Variants in ZMAT4 observed in about 807,000 individuals in gnomAD.
ZMAT4 encodes the protein zinc finger matrin-type 4, also known as zinc finger matrin-type protein 4.
Under a neutral mutation model 28.7 loss-of-function variants are expected in ZMAT4, and 17 were observed. That is an observed-to-expected ratio of 0.59 (90% confidence interval 0.41 to 0.89). ZMAT4 has a LOEUF of 0.89. Among genes scored for constraint, ZMAT4 ranks in the 40% least tolerant of loss-of-function variants. The probability of loss-of-function intolerance (pLI) is 0.00; values close to 1 mark genes in which losing one functional copy is unlikely to be tolerated. For missense variants in ZMAT4, 240 were observed against 283.8 expected (o/e 0.85, Z 1.11); for synonymous variants, 117 against 109.2 (o/e 1.07, Z -0.44).
At chr8:40,795,300 C>A (rs1380736893) in intron 2 of ZMAT4, among the ~76,000 whole-genome samples, 2 of 152,176 alleles carry the variant, frequency 1.3e-5, no homozygotes, top group African/African-American at 4.8e-5. Context: ...CAAAGAGGCC[C>A]TGGCACACCT....
intron 2 of ZMAT4, among the ~76,000 whole-genome samples, chr8:40,812,374 C>T (rs1815353755): frequency 6.6e-6 from 1 of 152,202 alleles, no homozygotes; most frequent in Non-Finnish European, 1.5e-5. Context: ...TCTCCAAGGA[C>T]ACATAACTCC....
chr8:40,743,788 T>C (rs1469415081), intron 3 of ZMAT4, among the ~76,000 whole-genome samples: 1 of 151,848 alleles, frequency 6.6e-6, no homozygotes, highest in Non-Finnish European at 1.5e-5. Context: ...GAGCGGCCGA[T>C]TCTGGAGCCA....
intron 2 of ZMAT4, among the ~76,000 whole-genome samples, chr8:40,794,991 G>C (rs12335179): frequency 0.56 from 85,166 of 151,812 alleles, 24,092 homozygotes; most frequent in East Asian, 0.66. Flanking sequence ...GACAGATGCA[G>C]AAACACTCTG....
In ZMAT4 at chr8:40,821,668, C is replaced by T. The variant is rs1386966647; in HGVS notation, c.102+3907G>A. Among the ~76,000 whole-genome samples the T allele has an allele frequency of 2.0e-5, 3 of 152,130 alleles. No individual in the cohort carries two copies. In the East Asian group the frequency reaches 5.8e-4, roughly 29 times the overall value. On this transcript the variant is annotated intron_variant, in intron 2 of 6. Coordinates refer to ENST00000297737, the MANE Select transcript of ZMAT4 (RefSeq NM_024645.3). ...TCCTACTTTGGAAGATTAACACACT[C>T]GTCTCACAGCAAAAGTCATACCAAA...
intron 5 of ZMAT4, among the ~76,000 whole-genome samples, chr8:40,628,030 GT>G (rs1806438576): frequency 6.6e-6 from 1 of 152,220 alleles, no homozygotes; most frequent in African/African-American, 2.4e-5. Flanking sequence ...GGAAAAAAGT[GT>G]TCTGTAGGGA....
intron 3 of ZMAT4, among the ~76,000 whole-genome samples, chr8:40,749,593 G>T (rs1329457469): frequency 1.3e-5 from 2 of 152,174 alleles, no homozygotes; most frequent in Admixed American, 1.3e-4. Flanking sequence ...ATGACCCTGT[G>T]AACACTGTTC....
chr8:40,540,819 G>A (rs571203921), intron 6 of ZMAT4, among the ~76,000 whole-genome samples: 1 of 152,290 alleles, frequency 6.6e-6, no homozygotes, highest in South Asian at 2.1e-4. Flanking sequence ...CTCTGATTCT[G>A]ATTCTGTTTC....
At chr8:40,788,140 T>C (rs916572748) in intron 2 of ZMAT4, among the ~76,000 whole-genome samples, 1 of 152,150 alleles carries the variant, frequency 6.6e-6, no homozygotes, top group African/African-American at 2.4e-5. Context: ...AAGACACTAA[T>C]CATGAATATC....
intron 1 of ZMAT4, among the ~76,000 whole-genome samples, chr8:40,894,087 C>T (rs546093857): frequency 6.6e-6 from 1 of 152,348 alleles, no homozygotes; most frequent in South Asian, 2.1e-4. Context: ...TCCCTGCATG[C>T]TAATGTTTCC....
intron 5 of ZMAT4, among the ~76,000 whole-genome samples, chr8:40,583,005 A>T (rs1432978244): frequency 6.6e-6 from 1 of 152,182 alleles, no homozygotes; most frequent in Non-Finnish European, 1.5e-5. Context: ...CTGACCACTC[A>T]CCACCAGTAC....
At chr8:40,715,805 G>A (rs1045124430) in intron 3 of ZMAT4, among the ~76,000 whole-genome samples, 4 of 152,164 alleles carry the variant, frequency 2.6e-5, no homozygotes, top group South Asian at 4.1e-4. Context: ...GGGTCCCTTC[G>A]TTCAGCAGGT....
At chr8:40,722,303 A>T (rs1227407370) in intron 3 of ZMAT4, among the ~76,000 whole-genome samples, 1 of 152,240 alleles carries the variant, frequency 6.6e-6, no homozygotes, top group Non-Finnish European at 1.5e-5. Flanking sequence ...TTAAGCTTTA[A>T]GGTGACACTG....
intron 5 of ZMAT4, among the ~76,000 whole-genome samples, chr8:40,617,642 C>G (rs1480845238): frequency 6.6e-6 from 1 of 152,062 alleles, no homozygotes; most frequent in Admixed American, 6.6e-5. Context: ...CTGTAAATGC[C>G]CTCTTTGGTT....
chr8:40,592,246 A>G (rs1804919443), intron 5 of ZMAT4, among the ~76,000 whole-genome samples: 1 of 152,144 alleles, frequency 6.6e-6, no homozygotes, highest in Non-Finnish European at 1.5e-5. Flanking sequence ...TAATATTAGG[A>G]ATGGGGGCGC....
chr8:40,810,044 AAAACAAAC>A (rs201101097), intron 2 of ZMAT4, among the ~76,000 whole-genome samples: 1 of 152,148 alleles, frequency 6.6e-6, no homozygotes, highest in Non-Finnish European at 1.5e-5. Flanking sequence ...ACTCCGTCTT[AAAACAAAC>A]AAACAAACAA....
intron 3 of ZMAT4, among the ~76,000 whole-genome samples, chr8:40,699,621 C>CACACACACA (rs1810045119): frequency 2.0e-5 from 3 of 150,132 alleles, no homozygotes; most frequent in Non-Finnish European, 3.0e-5. Context: ...CACACACACA[C>CACACACACA]CATGGAATAC....
chr8:40,858,392 C>A (rs968661391), intron 1 of ZMAT4, among the ~76,000 whole-genome samples: 1 of 152,200 alleles, frequency 6.6e-6, no homozygotes, highest in African/African-American at 2.4e-5. Context: ...AGGCCATGTG[C>A]AAAACAGATC....
At chr8:40,783,775 C>T (rs1044706346) in intron 2 of ZMAT4, among the ~76,000 whole-genome samples, 8 of 152,168 alleles carry the variant, frequency 5.3e-5, no homozygotes, top group Non-Finnish European at 7.4e-5. Context: ...CTTTGGAAGG[C>T]CGAGGTGGGC....
chr8:40,883,303 C>T (rs1050369144), intron 1 of ZMAT4, among the ~76,000 whole-genome samples: 1 of 152,186 alleles, frequency 6.6e-6, no homozygotes, highest in Admixed American at 6.5e-5. Flanking sequence ...TCACATGTTC[C>T]CTAGTCTGTT....
Sources: allele counts gnomAD v4.1 joint callset (sites outside exome capture counted in the v4.1 genomes callset), GRCh38; gene constraint gnomAD v4.1.1; transcripts MANE v1.5; gene names NCBI Gene and HGNC (gene_info 2026-07-23, HGNC 2026-07-21).